Variants in SPTLC2 observed in about 807,000 individuals in gnomAD.
The protein encoded by SPTLC2 is serine palmitoyltransferase long chain base subunit 2.
SPTLC2 carries 21 observed loss-of-function variants against 62.0 expected under a neutral mutation model. The ratio of observed to expected loss-of-function variants is 0.34; its 90% CI spans 0.24 to 0.49. SPTLC2 has a LOEUF of 0.49. SPTLC2 is among the 20% of genes least tolerant of loss of function. The pLI is 0.99. For synonymous variants in SPTLC2, 261 were observed against 261.8 expected (o/e 1.00, Z 0.03); for missense variants, 511 against 713.0 (o/e 0.72, Z 3.23).
Position 77,555,455 on chromosome 14 carries a change from A to C in SPTLC2, c.1021T>G (p.Leu341Val), listed in dbSNP as rs764015785. 1.2e-6 allele frequency: 2 copies of C among 1,614,204 alleles called. No homozygotes were observed. The highest frequency in any genetic ancestry group is 1.7e-6 in the Non-Finnish European group (2 of 1,180,054). ...IALKKKYKAY[L>V]YLDEAHSIGA... is the part of the protein sequence containing the mutation. ...ATGCTGTGAGCCTCATCCAGATACAAGTATGCCTTGTATTTCTTCTTGAGG... is the reference window on the plus strand; with the variant it reads ...ATGCTGTGAGCCTCATCCAGATACACGTATGCCTTGTATTTCTTCTTGAGG... The change falls in exon 8 of 12, where the codon TTG (leucine) becomes GTG (valine). Residue 341 changes from leucine (L) to valine (V), a missense_variant. Coordinates refer to ENST00000216484, the MANE Select transcript of SPTLC2 (RefSeq NM_004863.4).
chr14:77,594,945 G>A (rs2079838688), intron 2 of SPTLC2, among the ~76,000 whole-genome samples: 1 of 152,218 alleles, frequency 6.6e-6, no homozygotes, highest in African/African-American at 2.4e-5. Flanking sequence ...CTGTGAACAA[G>A]TAACTACAAT....
At chr14:77,551,804 G>T (rs1420951525) in intron 9 of SPTLC2, among the ~76,000 whole-genome samples, 2 of 152,148 alleles carry the variant, frequency 1.3e-5, no homozygotes. Flanking sequence ...ATAAAATTAT[G>T]TAATTCAAGA....
At chr14:77,609,516 CACT>C (rs1466402425) in intron 1 of SPTLC2, among the ~76,000 whole-genome samples, 2 of 152,174 alleles carry the variant, frequency 1.3e-5, no homozygotes, top group Non-Finnish European at 2.9e-5. Flanking sequence ...GCGGATGGAT[CACT>C]TAGGTCAGGA....
At chr14:77,566,078 C>A (rs995658150) in intron 5 of SPTLC2, among the ~76,000 whole-genome samples, 1 of 152,126 alleles carries the variant, frequency 6.6e-6, no homozygotes, top group Non-Finnish European at 1.5e-5. Flanking sequence ...CCTTCCCCTC[C>A]GCACAAAATT....
At chr14:77,616,030 T>C (rs2079964675) in intron 1 of SPTLC2, among the ~76,000 whole-genome samples, 1 of 152,136 alleles carries the variant, frequency 6.6e-6, no homozygotes, top group Non-Finnish European at 1.5e-5. Flanking sequence ...CATGGGTGGT[T>C]TTCTTTGGAC....
chr14:77,595,972 T>C (rs550325645), intron 2 of SPTLC2, among the ~76,000 whole-genome samples: 16 of 152,290 alleles, frequency 1.1e-4, no homozygotes, highest in Non-Finnish European at 1.9e-4. Flanking sequence ...TATTTATTTA[T>C]GGAGACTAGG....
chr14:77,545,159 C>A (rs748072915), intron 9 of SPTLC2, among the ~76,000 whole-genome samples: 1 of 151,310 alleles, frequency 6.6e-6, no homozygotes, highest in Non-Finnish European at 1.5e-5. Flanking sequence ...GAGGTAGATA[C>A]AAATAAAATA....
intron 1 of SPTLC2, among the ~76,000 whole-genome samples, chr14:77,608,026 G>A (rs1040643834): frequency 6.6e-6 from 1 of 152,164 alleles, no homozygotes; most frequent in Non-Finnish European, 1.5e-5. Flanking sequence ...AGCACCAACC[G>A]GCGTCTCACA....
intron 1 of SPTLC2, among the ~76,000 whole-genome samples, chr14:77,612,741 GCCT>G (rs1352001588): frequency 2.0e-5 from 3 of 152,038 alleles, no homozygotes; most frequent in Non-Finnish European, 4.4e-5. Context: ...TTATTTATTT[GCCT>G]CCTCCTAAGA....
intron 9 of SPTLC2, among the ~76,000 whole-genome samples, chr14:77,527,678 T>A (rs2079415848): frequency 6.6e-6 from 1 of 152,138 alleles, no homozygotes; most frequent in East Asian, 1.9e-4. Flanking sequence ...TAAGCCCTCC[T>A]AGATAGGTGT....
chr14:77,585,219 C>T (rs2079774611), intron 2 of SPTLC2, among the ~76,000 whole-genome samples: 6 of 152,142 alleles, frequency 3.9e-5, no homozygotes, highest in Admixed American at 3.9e-4. Context: ...AATAATGTGA[C>T]GATTTCAACA....
At chr14:77,529,824 T>C (rs1450737757) in intron 9 of SPTLC2, among the ~76,000 whole-genome samples, 2 of 151,756 alleles carry the variant, frequency 1.3e-5, no homozygotes, top group African/African-American at 4.8e-5. Context: ...GACTTCACCA[T>C]GTTGGCCAGG....
At chr14:77,564,305 A>G (rs572952264) in intron 5 of SPTLC2, among the ~76,000 whole-genome samples, 1 of 136,986 alleles carries the variant, frequency 7.3e-6, no homozygotes, top group African/African-American at 2.7e-5. Context: ...AGAGGAGGAG[A>G]AGGAGGAGAA....
At chr14:77,515,376 A>G (rs1022621041) in intron 11 of SPTLC2, among the ~76,000 whole-genome samples, 1 of 152,138 alleles carries the variant, frequency 6.6e-6, no homozygotes, top group East Asian at 1.9e-4. Context: ...GTAGGTTGCT[A>G]TACTGCCATC....
Position 77,525,057 on chromosome 14 carries a change from G to C in SPTLC2, c.1304-3476C>G, listed in dbSNP as rs191575631. ...CGGTGACACATATCCAAAATACTCT[G>C]ATTTGATCAGAATATTTGATACCGT... On this transcript the variant is annotated intron_variant, in intron 9 of 11. Coordinates refer to ENST00000216484, the MANE Select transcript of SPTLC2 (RefSeq NM_004863.4). 2.8e-3 allele frequency among the ~76,000 whole-genome samples: 426 copies of C among 152,248 alleles called. 1 individual carries two copies. Among genetic ancestry groups the C allele is most frequent in the African/African-American group, 0.01 (416 of 41,532 alleles).
intron 8 of SPTLC2, among the ~76,000 whole-genome samples, chr14:77,552,479 A>T (rs1459692853): frequency 6.6e-6 from 1 of 152,204 alleles, no homozygotes; most frequent in Non-Finnish European, 1.5e-5. Flanking sequence ...GTTTTAAAAC[A>T]ACCCCTCTAA....
chr14:77,541,220 T>C (rs2079499218), intron 9 of SPTLC2, among the ~76,000 whole-genome samples: 1 of 151,784 alleles, frequency 6.6e-6, no homozygotes, highest in Non-Finnish European at 1.5e-5. Flanking sequence ...TTTATTTTTT[T>C]GTAGAGACAG....
chr14:77,551,383 T>A (rs1321991559), intron 9 of SPTLC2, among the ~76,000 whole-genome samples: 1 of 93,398 alleles, frequency 1.1e-5, no homozygotes, highest in Non-Finnish European at 1.9e-5. Context: ...AGAGTGAGAC[T>A]CCGTCTCAAA....
At chr14:77,561,770 G>A (rs2079616409) in intron 6 of SPTLC2, among the ~76,000 whole-genome samples, 1 of 152,066 alleles carries the variant, frequency 6.6e-6, no homozygotes, top group Admixed American at 6.6e-5. Flanking sequence ...CTAACATTTT[G>A]GTATACATTC....
Sources: allele counts gnomAD v4.1 joint callset (sites outside exome capture counted in the v4.1 genomes callset), GRCh38; gene constraint gnomAD v4.1.1; transcripts MANE v1.5; gene names NCBI Gene and HGNC (gene_info 2026-07-23, HGNC 2026-07-21).